RGS6: variants seen among roughly 807,000 people sequenced by gnomAD.
The protein encoded by RGS6 is regulator of G-protein signaling 6.
Under a neutral mutation model 78.5 loss-of-function variants are expected in RGS6, and 30 were observed. That is an observed-to-expected ratio of 0.38 (90% CI 0.29 to 0.52). The LOEUF is 0.52. Ranked by LOEUF, RGS6 falls within the 20% of genes least tolerant of loss-of-function variation. The pLI is 0.85. For missense variants in RGS6, 495 were observed against 609.7 expected, an observed-to-expected ratio of 0.81 and a Z score of 1.98; for synonymous variants, 206 against 206.0, an observed-to-expected ratio of 1.00 and a Z score of 0.00.
At chr14:72,381,502 C>A (rs1276086733) in intron 3 of RGS6, among the ~76,000 whole-genome samples, 1 of 152,010 alleles carries the variant, frequency 6.6e-6, no homozygotes, top group Non-Finnish European at 1.5e-5. Context: ...TGACAGCTAA[C>A]TTCTATGTAA....
intron 3 of RGS6, among the ~76,000 whole-genome samples, chr14:72,423,064 C>T (rs1051806172): frequency 6.6e-6 from 1 of 152,196 alleles, no homozygotes; most frequent in Admixed American, 6.5e-5. Context: ...TGACAGGTGG[C>T]CACACGGCAG....
intron 2 of RGS6, among the ~76,000 whole-genome samples, chr14:72,326,824 C>T (rs2073889177): frequency 6.6e-6 from 1 of 152,210 alleles, no homozygotes; most frequent in Non-Finnish European, 1.5e-5. Context: ...TGTCCTGCCT[C>T]AGCCTGCCGA....
chr14:72,127,346 C>A (rs1598038472), intron 2 of RGS6, among the ~76,000 whole-genome samples: 1 of 152,154 alleles, frequency 6.6e-6, no homozygotes, highest in Non-Finnish European at 1.5e-5. Flanking sequence ...TTGTTTACTG[C>A]ACTAAATCTT....
At chr14:72,622,822 G>A in the RGS6 span, among the ~76,000 whole-genome samples, 1 of 152,100 alleles carries the variant, frequency 6.6e-6, no homozygotes, top group East Asian at 1.9e-4. Context: ...CTGACCATGT[G>A]AGAGGAATCC....
chr14:72,188,386 A>C (rs1212730271), intron 2 of RGS6, among the ~76,000 whole-genome samples: 1 of 152,028 alleles, frequency 6.6e-6, no homozygotes, highest in Non-Finnish European at 1.5e-5. Flanking sequence ...AGGCTAACCT[A>C]CCCCTTGGAG....
intron 17 of RGS6, among the ~76,000 whole-genome samples, chr14:72,543,972 G>A (rs1015095988): frequency 6.6e-6 from 1 of 152,142 alleles, no homozygotes; most frequent in African/African-American, 2.4e-5. Context: ...CTGACCTCAA[G>A]TGATCCACCT....
At chr14:72,208,698 C>G (rs2043270520) in intron 2 of RGS6, among the ~76,000 whole-genome samples, 1 of 152,110 alleles carries the variant, frequency 6.6e-6, no homozygotes, top group Non-Finnish European at 1.5e-5. Flanking sequence ...ATAACTTGTT[C>G]AATGCTACTG....
chr14:72,022,026 T>G, intron 2 of RGS6, among the ~76,000 whole-genome samples: 1 of 152,274 alleles, frequency 6.6e-6, no homozygotes. Context: ...ACATGCGGTA[T>G]TTGGTTTTCT....
At chr14:72,212,707 A>T (rs2153769335) in intron 2 of RGS6, among the ~76,000 whole-genome samples, 1 of 152,324 alleles carries the variant, frequency 6.6e-6, no homozygotes, top group Non-Finnish European at 1.5e-5. Flanking sequence ...CAAATCAGTA[A>T]ATGCCCTCTA....
chr14:72,025,218 T>C (rs1372842000), intron 2 of RGS6, among the ~76,000 whole-genome samples: 1 of 151,920 alleles, frequency 6.6e-6, no homozygotes, highest in Non-Finnish European at 1.5e-5. Flanking sequence ...GAACTTTGCC[T>C]TGAACCTCAG....
intron 2 of RGS6, among the ~76,000 whole-genome samples, chr14:72,311,432 T>C (rs935855187): frequency 3.9e-5 from 6 of 152,042 alleles, no homozygotes; most frequent in Non-Finnish European, 8.8e-5. Flanking sequence ...TAATGTTTAA[T>C]GCACTCTCAT....
Position 72,115,106 on chromosome 14 carries a change from T to C in RGS6, c.84+150231T>C, listed in dbSNP as rs573545129. 3.9e-5 allele frequency among the ~76,000 whole-genome samples: 6 copies of C among 152,326 alleles called. No individual in the cohort carries two copies. In the South Asian group the frequency reaches 1.2e-3, roughly 32 times the overall value. On this transcript the variant is annotated intron_variant, in intron 2 of 17. Transcript: ENST00000553525. ...ATTCCATCCACTTGGATCTCAGTTA[T>C]GTGGCAATCTTGACATGGAACGTGT...
intron 2 of RGS6, 70 bp from the exon 3 acceptor site, chr14:72,352,025 G>A: frequency 1.7e-6 from 2 of 1,196,510 alleles, no homozygotes; most frequent in Non-Finnish European, 2.4e-6. Context: ...CATTTGGGCT[G>A]TTTAAAAAGG....
intron 3 of RGS6, among the ~76,000 whole-genome samples, chr14:72,390,191 G>A (rs914926082): frequency 7.3e-5 from 11 of 150,008 alleles, no homozygotes; most frequent in African/African-American, 1.2e-4. Flanking sequence ...TCCGCTTCCC[G>A]GGTTGAAGCG....
chr14:72,363,754 C>T (rs1323508863), intron 3 of RGS6, among the ~76,000 whole-genome samples: 1 of 151,864 alleles, frequency 6.6e-6, no homozygotes, highest in Non-Finnish European at 1.5e-5. Context: ...AAGTTGGAGG[C>T]CTCTATTACA....
At chr14:72,450,619 G>A (rs1182529911) in intron 3 of RGS6, among the ~76,000 whole-genome samples, 2 of 152,198 alleles carry the variant, frequency 1.3e-5, no homozygotes, top group Non-Finnish European at 2.9e-5. Context: ...CATTTGTTAT[G>A]TTGTTTTATT....
chr14:72,390,099 T>C (rs1351088187), intron 3 of RGS6, among the ~76,000 whole-genome samples: 1 of 149,404 alleles, frequency 6.7e-6, no homozygotes, highest in Non-Finnish European at 1.5e-5. Context: ...TCTTTTTTTT[T>C]TTTTTTTTTT....
the RGS6 span, among the ~76,000 whole-genome samples, chr14:72,628,691 T>G: frequency 6.7e-6 from 1 of 149,136 alleles, no homozygotes; most frequent in African/African-American, 2.5e-5. Flanking sequence ...GAGAGAGAGA[T>G]AAAGACAGAC....
intron 2 of RGS6, among the ~76,000 whole-genome samples, chr14:72,344,719 G>A (rs1043602964): frequency 3.9e-5 from 6 of 152,196 alleles, no homozygotes; most frequent in South Asian, 2.1e-4. Context: ...AAATTAGAGC[G>A]ATCGTTGATA....
Sources: gnomAD v4.1 joint callset for allele counts (sites outside exome capture counted in the v4.1 genomes callset) on GRCh38, gnomAD v4.1.1 for gene constraint, MANE v1.5 for transcripts, NCBI Gene and HGNC (gene_info 2026-07-23, HGNC 2026-07-21) for gene names.